DGKG: variants seen among roughly 807,000 people sequenced by gnomAD.
DGKG encodes DAG kinase gamma.
Under a neutral mutation model 105.3 loss-of-function variants are expected in DGKG, and 78 were observed. The ratio of observed to expected loss-of-function variants is 0.74; its 90% CI spans 0.62 to 0.89. DGKG has a LOEUF of 0.89. DGKG is among the 40% of genes least tolerant of loss of function. The pLI is 0.00. For missense variants in DGKG, 958 were observed against 1,020.1 expected (o/e 0.94, Z 0.83); for synonymous variants, 346 against 367.1 (o/e 0.94, Z 0.66).
Position 186,210,101 on chromosome 3 carries a change from C to CT in DGKG, c.1917+1693dup, listed in dbSNP as rs1718960435. Among the ~76,000 whole-genome samples, 3 of 152,114 alleles carry CT rather than the reference C, an allele frequency of 2.0e-5. No homozygotes were observed. Among genetic ancestry groups the CT allele is most frequent in the African/African-American group, 7.2e-5 (3 of 41,398 alleles). The stretch of plus-strand genomic sequence containing the variant: ...CTCTGTCTCTCAAACCCAGAGGGGA[C>CT]TGTGGGGCCTGGAGCCGGGAGGGCA... On this transcript the variant is annotated intron_variant, in intron 21 of 24. Transcript: ENST00000265022. This position sits in a 1 kb window ranked among gnomAD's most constrained non-coding sequence, Gnocchi z 5.2.
At chr3:186,201,156 TC>T (rs1373484316) in intron 21 of DGKG, among the ~76,000 whole-genome samples, 5 of 151,688 alleles carry the variant, frequency 3.3e-5, no homozygotes, top group African/African-American at 4.8e-5. Flanking sequence ...TCTCTTTCTT[TC>T]TTTTTTTTTT....
intron 1 of DGKG, among the ~76,000 whole-genome samples, chr3:186,342,957 C>T (rs1726153459): frequency 6.6e-6 from 1 of 151,978 alleles, no homozygotes; most frequent in Non-Finnish European, 1.5e-5. Flanking sequence ...AAGAAAGGCA[C>T]ACAACCAAGG....
intron 1 of DGKG, among the ~76,000 whole-genome samples, chr3:186,331,907 G>A (rs1416067297): frequency 5.9e-5 from 9 of 152,190 alleles, no homozygotes; most frequent in Non-Finnish European, 1.0e-4. Flanking sequence ...TGTGAGGAAC[G>A]TATGTTTTAT....
At chr3:186,176,029 A>T (rs1717060290) in intron 22 of DGKG, among the ~76,000 whole-genome samples, 1 of 152,206 alleles carries the variant, frequency 6.6e-6, no homozygotes, top group African/African-American at 2.4e-5. Flanking sequence ...ATTTGAAAGG[A>T]CGCAAGGCAG....
intron 22 of DGKG, among the ~76,000 whole-genome samples, chr3:186,176,119 T>C (rs960865715): frequency 6.6e-6 from 1 of 152,198 alleles, no homozygotes; most frequent in Admixed American, 6.5e-5. Flanking sequence ...TCTCATCTCC[T>C]CTCAGGGAAG....
intron 7 of DGKG, among the ~76,000 whole-genome samples, chr3:186,282,192 GC>G (rs1197764494): frequency 2.0e-5 from 3 of 152,144 alleles, no homozygotes; most frequent in African/African-American, 7.2e-5. Context: ...GCTTATTTTG[GC>G]CTCCCTGTTG....
At chr3:186,313,429 C>T in intron 2 of DGKG, 1 of 897,894 alleles carries the variant, frequency 1.1e-6, no homozygotes, top group Non-Finnish European at 1.3e-6. Flanking sequence ...ACTGGTATGA[C>T]TTATTTGTGT....
At chr3:186,236,501 G>A (rs141718915) in intron 20 of DGKG, among the ~76,000 whole-genome samples, 250 of 152,316 alleles carry the variant, frequency 1.6e-3, no homozygotes, top group Middle Eastern at 6.8e-3. Context: ...AGATTAACTT[G>A]CCCAAGGTCA....
intron 2 of DGKG, 78 bp downstream of exon 2, chr3:186,320,315 A>C (rs1316859081): frequency 5.1e-6 from 8 of 1,566,780 alleles, no homozygotes; most frequent in Non-Finnish European, 6.1e-6. Context: ...TGCAATGATC[A>C]TACTGCTATG....
chr3:186,191,690 A>G (rs1717916880), intron 21 of DGKG, among the ~76,000 whole-genome samples: 1 of 152,226 alleles, frequency 6.6e-6, no homozygotes, highest in Non-Finnish European at 1.5e-5. Flanking sequence ...TCTAGCATTC[A>G]GCTGGGCCTT....
At chr3:186,290,730 A>C (rs562702531) in intron 5 of DGKG, among the ~76,000 whole-genome samples, 1 of 152,360 alleles carries the variant, frequency 6.6e-6, no homozygotes, top group South Asian at 2.1e-4. Flanking sequence ...TAGGATTCAC[A>C]GAGCAGGCAC....
intron 3 of DGKG, among the ~76,000 whole-genome samples, chr3:186,300,054 C>T (rs1407991900): frequency 6.6e-6 from 1 of 151,988 alleles, no homozygotes; most frequent in African/African-American, 2.4e-5. Context: ...CCAGGCTGGT[C>T]TTGAACTACT....
Position 186,334,113 on chromosome 3 carries a change from C to G in DGKG, c.-248-13406G>C, listed in dbSNP as rs193078164. Among the ~76,000 whole-genome samples the G allele has an allele frequency of 3.2e-3, 492 of 152,234 alleles. 7 individuals carry two copies. Among genetic ancestry groups the G allele is most frequent in the Middle Eastern group, 6.8e-3 (2 of 294 alleles). The stretch of plus-strand genomic sequence containing the variant: ...CTCATCCCCTTTTTGTTTCCCATAA[C>G]AACATAAACAGCAGCAGCCGCTTAC... On this transcript the variant is annotated intron_variant, in intron 1 of 24. Coordinates refer to ENST00000265022, the MANE Select transcript of DGKG (RefSeq NM_001346.3).
intron 2 of DGKG, among the ~76,000 whole-genome samples, chr3:186,307,674 G>A (rs1003413240): frequency 6.6e-6 from 1 of 152,210 alleles, no homozygotes; most frequent in East Asian, 1.9e-4. Flanking sequence ...TCATACTAAG[G>A]TCTGACGTGT....
intron 17 of DGKG, among the ~76,000 whole-genome samples, chr3:186,254,666 T>C (rs1721378690): frequency 6.6e-6 from 1 of 152,134 alleles, no homozygotes; most frequent in African/African-American, 2.4e-5. Flanking sequence ...CTTCTCTCTA[T>C]CCCCATGGTG....
chr3:186,280,843 G>A (rs1722799766), intron 7 of DGKG, 99 bp from the exon 8 acceptor site: 3 of 957,532 alleles, frequency 3.1e-6, no homozygotes, highest in Non-Finnish European at 4.9e-6. Flanking sequence ...AGAGGGACAG[G>A]GCAGGGCAAG....
At chr3:186,213,046 G>A (rs1180137994) in intron 20 of DGKG, among the ~76,000 whole-genome samples, 1 of 152,166 alleles carries the variant, frequency 6.6e-6, no homozygotes, top group Non-Finnish European at 1.5e-5. Flanking sequence ...TTCCCCAAGA[G>A]TCTACCTAGA....
intron 1 of DGKG, among the ~76,000 whole-genome samples, chr3:186,327,841 A>T (rs6786389): frequency 0.33 from 49,965 of 152,042 alleles, 10,341 homozygotes; most frequent in African/African-American, 0.59. Context: ...AGAATTAAAT[A>T]GGACTCTGAC....
chr3:186,265,657 C>CTTTTTTTTTTTTT (rs68014632), intron 13 of DGKG, among the ~76,000 whole-genome samples: 17 of 77,388 alleles, frequency 2.2e-4, no homozygotes, highest in African/African-American at 6.1e-4. Flanking sequence ...TTCTTCCTTT[C>CTTTTTTTTTTTTT]TTTTTTTTTT....
Sources: gnomAD v4.1 joint callset for allele counts (sites outside exome capture counted in the v4.1 genomes callset) on GRCh38, gnomAD v4.1.1 for gene constraint, Gnocchi (gnomAD v3.1) non-coding constraint, MANE v1.5 for transcripts, NCBI Gene and HGNC (gene_info 2026-07-23, HGNC 2026-07-21) for gene names.